The following IFRD2 variants were observed in gnomAD, a reference collection of about 807,000 sequenced individuals.
IFRD2 encodes interferon-related developmental regulator 2.
IFRD2 carries 35 observed loss-of-function variants against 49.2 expected under a neutral mutation model. The observed-to-expected ratio is 0.71, with a 90% CI of 0.54 to 0.94. The LOEUF is 0.94. Ranked by LOEUF, IFRD2 falls within the 40% of genes least tolerant of loss-of-function variation. The pLI, the probability that IFRD2 is intolerant of heterozygous loss-of-function variation, is 0.00. For missense variants in IFRD2, 561 were observed against 591.6 expected (o/e 0.95, Z 0.54); for synonymous variants, 275 against 239.7 (o/e 1.15, Z -1.36).
At chr3:50,291,867 G>A (rs1553709850) in intron 1 of IFRD2, 3 of 255,104 alleles carry the variant, frequency 1.2e-5, no homozygotes, top group Non-Finnish European at 2.2e-5. Context: ...CAGGACTCCC[G>A]CCAACTTCCT....
chr3:50,289,575 G>A lies in IFRD2; in HGVS notation c.651C>T (p.Gly217=). The A allele has an allele frequency of 1.3e-6, 2 of 1,586,984 alleles. No individual in the cohort carries two copies. The highest frequency in any genetic ancestry group is 1.7e-6 in the Non-Finnish European group (2 of 1,167,174). The stretch of plus-strand genomic sequence containing the variant: ...CAGGACTTGTGGAGCTGCCCCCCAA[G>A]CCATAGAACCGGCTGAAAACACTTT... The part of the protein sequence containing the change: ...CLESVFSRFY[G]LGGSSTSPVV... The change falls in exon 7 of 12, where the codon GGC becomes GGT. Residue 217 remains glycine (G), a synonymous_variant. Coordinates refer to ENST00000417626, the MANE Select transcript of IFRD2 (RefSeq NM_006764.5).
chr3:50,288,645 G>C lies in IFRD2; in HGVS notation c.1090C>G (p.Arg364Gly). ...FEVLYMDSWA[R>G]HRIYAAFKEV... ...TTGAAGGCAGCGTAGATCCGGTGCC[G>C]AGCCCAGCTGTCCATGTAGAGCACC... Residue 364 changes from arginine (R) to glycine (G), a missense_variant, in exon 10 of 12, where the codon CGG becomes GGG. Coordinates refer to ENST00000417626, the MANE Select transcript of IFRD2 (RefSeq NM_006764.5). 6.2e-7 allele frequency: 1 copy of C among 1,613,224 alleles called. No homozygotes were observed.
In IFRD2 at chr3:50,289,479, G is replaced by A. The variant is rs782037028; in HGVS notation, c.747C>T (p.Cys249=). 5.7e-6 allele frequency: 9 copies of A among 1,583,408 alleles called. No homozygotes were observed. In the South Asian group the frequency reaches 9.2e-5, roughly 16 times the overall value. The change falls in exon 7 of 12, where the codon TGC becomes TGT. Residue 249 remains cysteine, a synonymous_variant. Coordinates refer to ENST00000417626, the MANE Select transcript of IFRD2 (RefSeq NM_006764.5). The part of the protein sequence containing the change: ...LQAWALLLTI[C]PSTQISHILD... Reference sequence around the variant, plus strand: ...GGATGTGGCTGATTTGGGTGCTAGGGCAGATGGTGAGCAGCAATGCCCAGG... The same window carrying A: ...GGATGTGGCTGATTTGGGTGCTAGGACAGATGGTGAGCAGCAATGCCCAGG...
At chr3:50,290,924 C>A (rs1354059403) in intron 1 of IFRD2, among the ~76,000 whole-genome samples, 9 of 151,506 alleles carry the variant, frequency 5.9e-5, no homozygotes, top group African/African-American at 2.2e-4. Flanking sequence ...GATCACCAGG[C>A]TGGCCCTACT....
intron 3 of IFRD2, 25 bp downstream of exon 3, chr3:50,290,363 G>C: frequency 6.3e-6 from 10 of 1,592,220 alleles, no homozygotes; most frequent in Non-Finnish European, 8.6e-6. Flanking sequence ...GCTGGGTGTA[G>C]GAGTTGGCTG....
At chr3:50,290,516 TGGAGCC>T in intron 2 of IFRD2, 38 bp downstream of exon 2, 1 of 1,604,984 alleles carries the variant, frequency 6.2e-7, no homozygotes. Flanking sequence ...CCTCAGCCCA[TGGAGCC>T]CTCACCAAGC....
chr3:50,289,225 C>G (rs1050352986), intron 8 of IFRD2, 30 bp downstream of exon 8: 9 of 1,536,736 alleles, frequency 5.9e-6, no homozygotes, highest in Non-Finnish European at 7.9e-6. Flanking sequence ...GGTGGTGTCA[C>G]CAAGCACCCC....
intron 11 of IFRD2, 41 bp downstream of exon 11, chr3:50,288,368 A>G (rs1553708935): frequency 2.0e-5 from 32 of 1,606,120 alleles, no homozygotes; most frequent in Non-Finnish European, 2.7e-5. Context: ...CCTCCAGGAA[A>G]TGGGAATAGG....
rs2071205 is a variant in IFRD2, at chr3:50,289,998, A to G, written c.477T>C (p.Phe159=). ...AGACCAGCAGAGGCTGCAGGCTGTG[A>G]AACAGCTCCTCACCCTTAGGTCCAG... The part of the protein sequence containing the change: ...LGPGPKGEEL[F]HSLQPLLVSV... The change falls in exon 5 of 12, where the codon TTT becomes TTC. Residue 159 remains phenylalanine (F), a synonymous_variant. Transcript: ENST00000417626. The G allele has an allele frequency of 0.043, 69,378 of 1,612,744 alleles. 12,939 individuals carry two copies. In the East Asian group the frequency reaches 0.54, roughly 13 times the overall value.
intron 1 of IFRD2, 100 bp downstream of exon 1, chr3:50,292,117 G>A (rs1437568585): frequency 3.1e-5 from 39 of 1,275,496 alleles, no homozygotes; most frequent in Non-Finnish European, 3.8e-5. Context: ...GGCTGGCCGA[G>A]GGGGTTCCCC....
chr3:50,292,115 G>C, intron 1 of IFRD2, 102 bp downstream of exon 1: 1 of 1,262,048 alleles, frequency 7.9e-7, no homozygotes, highest in Admixed American at 3.1e-5. Flanking sequence ...GGGGCTGGCC[G>C]AGGGGGTTCC....
rs781852874 is a variant in IFRD2, at chr3:50,288,509, G to A, written c.1153-5C>T. 1 of 1,613,992 alleles carries A rather than the reference G, an allele frequency of 6.2e-7. No homozygotes were observed. Among genetic ancestry groups the A allele is most frequent in the South Asian group, 1.1e-5 (1 of 91,090 alleles). On this transcript the variant is annotated splice_polypyrimidine_tract_variant and splice_region_variant and intron_variant, in intron 10 of 11. Coordinates refer to ENST00000417626, the MANE Select transcript of IFRD2 (RefSeq NM_006764.5). The stretch of plus-strand genomic sequence containing the variant: ...GTCACGGAGTAGCTCATTGTTCTGG[G>A]GGGCAGAGGGCAGTGAGCTCAGGCC...
In IFRD2 at chr3:50,290,639, G is replaced by A. The variant is rs76804050; in HGVS notation, c.99C>T (p.Asp33=). 5.7e-4 allele frequency: 912 copies of A among 1,613,908 alleles called. 4 individuals are homozygous for A. The African/African-American group carries it at 0.01, about 18-fold the overall frequency. The change falls in exon 2 of 12, where the codon GAC becomes GAT. Residue 33 remains aspartate (D), a synonymous_variant. Coordinates refer to ENST00000417626, the MANE Select transcript of IFRD2 (RefSeq NM_006764.5). ...SSAQADSGSS[D]DEAASEARST... ...TGCGGGCCTCACTGGCTGCCTCATC[G>A]TCACTGGAACCCGAGTCAGCTTGGG...
At position 50,290,472 on chromosome 3, in the gene IFRD2, C is replaced by G. The variant is rs200453681; in HGVS notation, c.179G>C (p.Gly60Ala). 4.9e-5 allele frequency: 77 copies of G among 1,579,116 alleles called. No homozygotes were observed. In the African/African-American group the frequency reaches 7.7e-4, roughly 16 times the overall value. The change falls in exon 3 of 12, where the codon GGG (glycine) becomes GCG (alanine). Residue 60 changes from glycine (G) to alanine (A), a missense_variant and splice_region_variant. By Grantham distance (60) the Gly-to-Ala change is moderately conservative (BLOSUM62 0). Coordinates refer to ENST00000417626, the MANE Select transcript of IFRD2 (RefSeq NM_006764.5). ...GCCCTGCTCATCCACGACATCCCCCCCTGCAAGGCCACCTGGTCAGCACCG... is the reference window on the plus strand; with the variant it reads ...GCCCTGCTCATCCACGACATCCCCCGCTGCAAGGCCACCTGGTCAGCACCG... ...LLSTTAEDSL[G>A]GDVVDEQGQQ...
intron 8 of IFRD2, 100 bp from the exon 9 acceptor site, chr3:50,289,037 C>T: frequency 6.7e-7 from 1 of 1,485,616 alleles, no homozygotes; most frequent in Non-Finnish European, 9.1e-7. Flanking sequence ...GAGACCCTCT[C>T]TTCTCTGCCT....
rs781842380 is a variant in IFRD2, at chr3:50,288,932, C to T, written c.891G>A (p.Glu297=). 8.4e-5 allele frequency: 136 copies of T among 1,612,126 alleles called. No individual in the cohort carries two copies. The highest frequency in any genetic ancestry group is 1.1e-4 in the Non-Finnish European group (124 of 1,179,028). The change falls in exon 9 of 12, where the codon GAG becomes GAA. Residue 297 remains glutamate (E), a synonymous_variant. Transcript: ENST00000417626. ...LFELARDLEE[E]FVYEDMEALC... is the part of the protein sequence containing the mutation. ...GGGCCTCCATGTCCTCGTAAACAAACTCCTCCTGCAATGGGAGCATTGGAG... is the reference window on the plus strand; with the variant it reads ...GGGCCTCCATGTCCTCGTAAACAAATTCCTCCTGCAATGGGAGCATTGGAG...
intron 5 of IFRD2, 37 bp downstream of exon 5, chr3:50,289,892 G>A (rs782054666): frequency 3.4e-5 from 55 of 1,611,032 alleles, no homozygotes; most frequent in South Asian, 1.4e-4. Flanking sequence ...GAGGGATAAG[G>A]TGCAGGAAGG....
intron 5 of IFRD2, 52 bp from the exon 6 acceptor site, chr3:50,289,814 C>T: frequency 1.3e-6 from 2 of 1,586,268 alleles, no homozygotes; most frequent in South Asian, 1.1e-5. Context: ...AACCTGGGTT[C>T]CCAGCCCTGG....
In IFRD2 at chr3:50,289,680, T is replaced by C. The variant is rs375334783; in HGVS notation, c.597+32A>G. On this transcript the variant is annotated intron_variant, in intron 6 of 11. Coordinates refer to ENST00000417626, the MANE Select transcript of IFRD2 (RefSeq NM_006764.5). ...TCAGAGGCAGAGTTACAGCCCTAGA[T>C]GCTCTACCACCTGTGCCCAAAGACC... The C allele has an allele frequency of 2.5e-6, 4 of 1,596,114 alleles. No homozygotes were observed. In the African/African-American group the frequency reaches 4.0e-5, roughly 16 times the overall value.
Sources: gnomAD v4.1 joint callset for allele counts (sites outside exome capture counted in the v4.1 genomes callset) on GRCh38, gnomAD v4.1.1 for gene constraint, MANE v1.5 for transcripts, NCBI Gene and HGNC (gene_info 2026-07-23, HGNC 2026-07-21) for gene names.